The following LCLAT1 variants were observed in gnomAD, a reference collection of about 807,000 sequenced individuals.
The protein encoded by LCLAT1 is 1-AGP acyltransferase 8.
LCLAT1 carries 11 observed loss-of-function variants against 30.7 expected under a neutral mutation model. That is an observed-to-expected ratio of 0.36 (90% CI 0.23 to 0.59). LCLAT1 has a LOEUF of 0.59. Among genes scored for constraint, LCLAT1 ranks in the 20% least tolerant of loss-of-function variants. The probability of loss-of-function intolerance (pLI) is 0.77; values close to 1 mark genes in which losing one functional copy is unlikely to be tolerated. For missense variants in LCLAT1, 402 were observed against 458.6 expected (o/e 0.88, Z 1.13); for synonymous variants, 155 against 151.3 (o/e 1.02, Z -0.18).
chr2:30,640,683 G>C lies in LCLAT1; in HGVS notation c.*64G>C. On this transcript the variant is annotated 3_prime_UTR_variant, in exon 6 of 6. Transcript: ENST00000379509. ...TTGGAAATGTTCTAAACCTTTCTAA[G>C]CTCAGATGCATTTTTGCATGACTAT... 1 of 1,500,860 alleles carries C rather than the reference G, an allele frequency of 6.7e-7. No individual in the cohort carries two copies. The allele number at this position is 1,500,860 out of a possible 1,614,324, so 93.0% of individuals were successfully genotyped here.
chr2:30,581,922 A>G (rs919167468), intron 5 of LCLAT1, among the ~76,000 whole-genome samples: 2 of 152,220 alleles, frequency 1.3e-5, no homozygotes, highest in Non-Finnish European at 2.9e-5. Flanking sequence ...TTCTCAACAC[A>G]GGAAGTAAGT....
At chr2:30,556,617 G>A (rs1664929371) in intron 3 of LCLAT1, among the ~76,000 whole-genome samples, 1 of 152,068 alleles carries the variant, frequency 6.6e-6, no homozygotes, top group Non-Finnish European at 1.5e-5. Flanking sequence ...CAGGTTATTA[G>A]ATAATCAGGG....
chr2:30,618,785 C>A (rs757499165), intron 5 of LCLAT1, among the ~76,000 whole-genome samples: 5 of 152,148 alleles, frequency 3.3e-5, no homozygotes, highest in Non-Finnish European at 7.4e-5. Context: ...GAACTTGTAT[C>A]CTGTAACCTT....
chr2:30,627,633 G>C (rs550908514), intron 5 of LCLAT1, among the ~76,000 whole-genome samples: 1 of 152,194 alleles, frequency 6.6e-6, no homozygotes, highest in South Asian at 2.1e-4. Flanking sequence ...AGTTATGGTA[G>C]AAATAGTGAA....
At chr2:30,499,193 T>C (rs1476427945) in intron 1 of LCLAT1, among the ~76,000 whole-genome samples, 1 of 152,146 alleles carries the variant, frequency 6.6e-6, no homozygotes, top group Non-Finnish European at 1.5e-5. Context: ...TGTTGTTGTT[T>C]TTGGAGACGG....
intron 1 of LCLAT1, among the ~76,000 whole-genome samples, chr2:30,525,300 C>T (rs796104927): frequency 1.1e-4 from 16 of 152,254 alleles, no homozygotes; most frequent in African/African-American, 3.1e-4. Flanking sequence ...TGGTCTCGAA[C>T]TCCTGGCCTC....
intron 1 of LCLAT1, among the ~76,000 whole-genome samples, chr2:30,516,522 C>A (rs1254472691): frequency 2.6e-5 from 4 of 152,160 alleles, no homozygotes; most frequent in African/African-American, 9.7e-5. Context: ...TCGCTGGGTT[C>A]CACGGTTCTG....
chr2:30,487,054 A>G (rs939540541), intron 1 of LCLAT1, among the ~76,000 whole-genome samples: 2 of 152,224 alleles, frequency 1.3e-5, no homozygotes, highest in African/African-American at 2.4e-5. Context: ...TTTACTAGGT[A>G]TTGTTAACTC....
At chr2:30,487,149 C>T (rs143406594) in intron 1 of LCLAT1, among the ~76,000 whole-genome samples, 16 of 152,228 alleles carry the variant, frequency 1.1e-4, no homozygotes, top group South Asian at 4.1e-4. Flanking sequence ...AGATGGTAGA[C>T]CTTTGGAAGA....
At chr2:30,466,959 C>CT (rs1682466586) in intron 1 of LCLAT1, among the ~76,000 whole-genome samples, 1 of 152,014 alleles carries the variant, frequency 6.6e-6, no homozygotes, top group African/African-American at 2.4e-5. Flanking sequence ...TTAAATTATA[C>CT]TTTAAGTTCT....
chr2:30,570,957 T>C (rs1665751497), intron 5 of LCLAT1, among the ~76,000 whole-genome samples: 1 of 152,186 alleles, frequency 6.6e-6, no homozygotes, highest in Admixed American at 6.5e-5. Context: ...AGAGGTCATC[T>C]AGTCCAGAGT....
intron 1 of LCLAT1, among the ~76,000 whole-genome samples, chr2:30,471,286 T>G (rs1437956788): frequency 1.3e-5 from 2 of 152,170 alleles, no homozygotes; most frequent in East Asian, 1.9e-4. Flanking sequence ...CTCAGCTCAC[T>G]GCAACCTCCG....
At chr2:30,553,137 A>G (rs773704115) in intron 3 of LCLAT1, among the ~76,000 whole-genome samples, 3 of 152,128 alleles carry the variant, frequency 2.0e-5, no homozygotes, top group Admixed American at 6.5e-5. Flanking sequence ...TCAGTTAACT[A>G]TATTCATCTA....
intron 2 of LCLAT1, among the ~76,000 whole-genome samples, chr2:30,527,189 A>G (rs1337737015): frequency 6.6e-6 from 1 of 152,176 alleles, no homozygotes; most frequent in East Asian, 1.9e-4. Flanking sequence ...GACATTTCCT[A>G]TTGAAACATT....
chr2:30,459,754 G>A, intron 1 of LCLAT1: 1 of 1,470,146 alleles, frequency 6.8e-7, no homozygotes, highest in Non-Finnish European at 9.5e-7. Context: ...GATGCTTGAG[G>A]TTTTTGTCTT....
At chr2:30,473,986 A>G (rs1169223507) in intron 1 of LCLAT1, among the ~76,000 whole-genome samples, 2 of 152,234 alleles carry the variant, frequency 1.3e-5, no homozygotes, top group African/African-American at 4.8e-5. Flanking sequence ...GTATCAAACA[A>G]CATCTTACCA....
At chr2:30,506,731 A>G (rs1481444711) in intron 1 of LCLAT1, among the ~76,000 whole-genome samples, 1 of 152,186 alleles carries the variant, frequency 6.6e-6, no homozygotes, top group Non-Finnish European at 1.5e-5. Flanking sequence ...AAAGAAAATT[A>G]CATGGATCCT....
intron 1 of LCLAT1, among the ~76,000 whole-genome samples, chr2:30,501,379 A>C (rs1264288280): frequency 6.6e-6 from 1 of 152,194 alleles, no homozygotes; most frequent in Non-Finnish European, 1.5e-5. Context: ...CTGTAACTTT[A>C]AAAAAGTCTT....
intron 4 of LCLAT1, among the ~76,000 whole-genome samples, chr2:30,567,399 G>A (rs932847358): frequency 1.3e-5 from 2 of 151,936 alleles, no homozygotes; most frequent in African/African-American, 4.8e-5. Context: ...TTAGAATATA[G>A]CCTCGAAGTG....
Sources: allele counts gnomAD v4.1 joint callset (sites outside exome capture counted in the v4.1 genomes callset), GRCh38; gene constraint gnomAD v4.1.1; transcripts MANE v1.5; gene names NCBI Gene and HGNC (gene_info 2026-07-23, HGNC 2026-07-21).